SEPTIN10: variants seen among roughly 807,000 people sequenced by gnomAD.
SEPTIN10 encodes the protein septin-10.
SEPTIN10 carries 66 observed loss-of-function variants against 54.8 expected under a neutral mutation model. That is an observed-to-expected ratio of 1.21 (90% CI 0.99 to 1.48). The LOEUF is 1.48. Among genes scored for constraint, SEPTIN10 ranks in the 40% most tolerant of loss-of-function variants. SEPTIN10 has a pLI of 0.00. For synonymous variants in SEPTIN10, 161 were observed against 181.0 expected, an observed-to-expected ratio of 0.89 and a Z score of 0.89; for missense variants, 620 against 545.6, an observed-to-expected ratio of 1.14 and a Z score of -1.36.
At chr2:109,603,538 C>T (rs1697155283) in intron 1 of SEPTIN10, among the ~76,000 whole-genome samples, 1 of 150,058 alleles carries the variant, frequency 6.7e-6, no homozygotes, top group Non-Finnish European at 1.5e-5. Flanking sequence ...CGCGCCCGGC[C>T]TCATAATATT....
At chr2:109,593,640 G>A (rs1476353610) in intron 1 of SEPTIN10, among the ~76,000 whole-genome samples, 3 of 152,032 alleles carry the variant, frequency 2.0e-5, no homozygotes, top group East Asian at 1.9e-4. Context: ...TTCTGACCTC[G>A]TGATTGGCCT....
intron 1 of SEPTIN10, among the ~76,000 whole-genome samples, chr2:109,598,322 C>T (rs766460848): frequency 6.6e-6 from 1 of 152,112 alleles, no homozygotes; most frequent in African/African-American, 2.4e-5. Context: ...CCCACCTCAG[C>T]CTCCCAAAGT....
chr2:109,605,248 T>A (rs1236077961), intron 1 of SEPTIN10: 2 of 152,130 alleles, frequency 1.3e-5, no homozygotes, highest in Non-Finnish European at 2.9e-5. Context: ...ATCAGGCAGA[T>A]CACCTGAGGT....
At chr2:109,603,054 G>C (rs1434990175) in intron 1 of SEPTIN10, among the ~76,000 whole-genome samples, 1 of 151,696 alleles carries the variant, frequency 6.6e-6, no homozygotes, top group Non-Finnish European at 1.5e-5. Flanking sequence ...CTGGGCAACA[G>C]AGCAAGGCCC....
Position 109,613,803 on chromosome 2 carries a change from G to A in SEPTIN10, c.25C>T (p.His9Tyr). 8.1e-7 allele frequency: 1 copy of A among 1,233,022 alleles called. No homozygotes were observed. Among genetic ancestry groups the A allele is most frequent in the Non-Finnish European group, 1.0e-6 (1 of 988,846 alleles). The allele number at this position is 1,233,022 out of a possible 1,614,324, so 76.4% of individuals were successfully genotyped here. Residue 9 changes from histidine to tyrosine, a missense_variant, in exon 1 of 11, where the codon CAC becomes TAC. By Grantham distance (83) the His-to-Tyr change is moderately conservative. Coordinates refer to ENST00000397712, the MANE Select transcript of SEPTIN10 (RefSeq NM_144710.5). MASSEVARHLLFQSHMATK... is the reference protein window; with the variant it reads MASSEVARYLLFQSHMATK... ...CCGGCGTCGGCGGGACTCACCAGGT[G>A]CCGCGCCACCTCGGAGGAGGCCATG...
chr2:109,546,016 C>A (rs754914244), intron 10 of SEPTIN10, 34 bp downstream of exon 10: 2 of 1,535,610 alleles, frequency 1.3e-6, no homozygotes, highest in Admixed American at 2.2e-5. Flanking sequence ...CAAGTGTGGG[C>A]AGGGCTGCCA....
chr2:109,548,134 C>T (rs570705818), intron 9 of SEPTIN10, among the ~76,000 whole-genome samples: 13 of 86,922 alleles, frequency 1.5e-4, no homozygotes, highest in Non-Finnish European at 3.2e-4. Flanking sequence ...GAGACAAGGT[C>T]CAAGGAGAAT....
At chr2:109,603,806 G>A (rs1484609400) in intron 1 of SEPTIN10, among the ~76,000 whole-genome samples, 1 of 152,070 alleles carries the variant, frequency 6.6e-6, no homozygotes, top group African/African-American at 2.4e-5. Flanking sequence ...CAGGTTGGGC[G>A]TGGTGGGTCC....
intron 2 of SEPTIN10, among the ~76,000 whole-genome samples, chr2:109,590,721 G>C (rs1231419648): frequency 1.3e-5 from 2 of 152,098 alleles, no homozygotes; most frequent in African/African-American, 2.4e-5. Context: ...GAGCCATTAT[G>C]CCCAGCCATG....
At chr2:109,609,086 C>T (rs1485173993) in intron 1 of SEPTIN10, among the ~76,000 whole-genome samples, 2 of 152,186 alleles carry the variant, frequency 1.3e-5, no homozygotes, top group Non-Finnish European at 2.9e-5. Context: ...TAACCTGGCA[C>T]TATGTTATAA....
At chr2:109,554,030 C>T (rs1294755856) in intron 8 of SEPTIN10, among the ~76,000 whole-genome samples, 4 of 152,114 alleles carry the variant, frequency 2.6e-5, no homozygotes, top group African/African-American at 7.2e-5. Context: ...TTTCTGGTCA[C>T]AAAAACATTA....
intron 2 of SEPTIN10, among the ~76,000 whole-genome samples, chr2:109,592,638 G>C (rs1219303472): frequency 6.6e-6 from 1 of 150,968 alleles, no homozygotes; most frequent in East Asian, 2.0e-4. Context: ...AAGTTAGCCG[G>C]ACGTGGTGGT....
intron 9 of SEPTIN10, chr2:109,552,519 CTCAG>C (rs1413463503): frequency 1.3e-5 from 2 of 152,242 alleles, no homozygotes; most frequent in East Asian, 1.9e-4. Context: ...TCTCTTTGGT[CTCAG>C]TCAAAGGAGT....
chr2:109,545,753 G>A, intron 10 of SEPTIN10: 1 of 1,426,806 alleles, frequency 7.0e-7, no homozygotes. Flanking sequence ...TATTCAATAA[G>A]AGCAGCCATT....
chr2:109,604,827 A>C (rs1371578306), intron 1 of SEPTIN10: 2 of 152,238 alleles, frequency 1.3e-5, no homozygotes, highest in Non-Finnish European at 2.9e-5. Context: ...AAGCCCAAGG[A>C]GGCTTACATG....
intron 9 of SEPTIN10, among the ~76,000 whole-genome samples, chr2:109,547,700 T>C (rs1179160695): frequency 6.6e-6 from 1 of 152,146 alleles, no homozygotes; most frequent in African/African-American, 2.4e-5. Flanking sequence ...ATGAAGGGCA[T>C]AAAACTCTGG....
At chr2:109,548,687 A>G (rs1681982689) in intron 9 of SEPTIN10, among the ~76,000 whole-genome samples, 1 of 143,646 alleles carries the variant, frequency 7.0e-6, no homozygotes, top group African/African-American at 2.5e-5. Flanking sequence ...GAGACAGGAG[A>G]ATTGCCTGAA....
chr2:109,544,543 G>A (rs1346110763), intron 10 of SEPTIN10: 7 of 981,540 alleles, frequency 7.1e-6, no homozygotes, highest in Non-Finnish European at 8.4e-6. Flanking sequence ...ACAACAGCAG[G>A]GTTCTCAAGT....
At chr2:109,568,713 C>G (rs1019253121) in intron 5 of SEPTIN10, among the ~76,000 whole-genome samples, 3 of 152,124 alleles carry the variant, frequency 2.0e-5, no homozygotes, top group Non-Finnish European at 4.4e-5. Context: ...AATCTAAGCA[C>G]TAAGTAACCA....
Sources: gnomAD v4.1 joint callset for allele counts (sites outside exome capture counted in the v4.1 genomes callset) on GRCh38, gnomAD v4.1.1 for gene constraint, MANE v1.5 for transcripts, NCBI Gene and HGNC (gene_info 2026-07-23, HGNC 2026-07-21) for gene names.